The following MDFIC variants were observed in gnomAD, a reference collection of about 807,000 sequenced individuals.
MDFIC encodes the protein MyoD family inhibitor domain containing.
Under a neutral mutation model 23.2 loss-of-function variants are expected in MDFIC, and 17 were observed. The observed-to-expected ratio is 0.73, with a 90% CI of 0.50 to 1.10. The LOEUF is 1.10. Among genes scored for constraint, MDFIC ranks in the 50% least tolerant of loss-of-function variants. The pLI is 0.00. For missense variants in MDFIC, 356 were observed against 316.6 expected (o/e 1.12, Z -0.95); for synonymous variants, 120 against 115.2 (o/e 1.04, Z -0.27).
chr7:114,924,217 A>G (rs1461230536), intron 2 of MDFIC, among the ~76,000 whole-genome samples: 2 of 152,222 alleles, frequency 1.3e-5, no homozygotes, highest in African/African-American at 4.8e-5. Context: ...AGAGAACTAG[A>G]ATGATAAACA....
chr7:115,004,324 T>G (rs915785691), intron 4 of MDFIC, among the ~76,000 whole-genome samples: 5 of 152,200 alleles, frequency 3.3e-5, no homozygotes, highest in Non-Finnish European at 5.9e-5. Flanking sequence ...TGGTGACTCA[T>G]GCCTATACTC....
chr7:114,948,508 C>T (rs1282944348), intron 3 of MDFIC, among the ~76,000 whole-genome samples: 1 of 151,992 alleles, frequency 6.6e-6, no homozygotes, highest in African/African-American at 2.4e-5. Flanking sequence ...TTCGAGACGA[C>T]CTTACTTCCC....
intron 2 of MDFIC, among the ~76,000 whole-genome samples, chr7:114,931,189 T>G (rs1268115737): frequency 6.6e-6 from 1 of 152,182 alleles, no homozygotes; most frequent in African/African-American, 2.4e-5. Context: ...TAACCTTAAG[T>G]TTTTGAAGTC....
chr7:115,012,532 TA>T (rs1791701222), intron 4 of MDFIC, among the ~76,000 whole-genome samples: 2 of 152,146 alleles, frequency 1.3e-5, no homozygotes, highest in South Asian at 4.1e-4. Flanking sequence ...CTAATAAGAT[TA>T]AAGATGAGCA....
chr7:114,948,865 G>A (rs1469660539), intron 3 of MDFIC, among the ~76,000 whole-genome samples: 3 of 152,136 alleles, frequency 2.0e-5, no homozygotes, highest in Middle Eastern at 3.4e-3. Flanking sequence ...ATATACAAAC[G>A]AATTTGCAGA....
chr7:114,951,828 G>A (rs1484161973), intron 3 of MDFIC, among the ~76,000 whole-genome samples: 2 of 152,178 alleles, frequency 1.3e-5, no homozygotes, highest in Non-Finnish European at 2.9e-5. Context: ...GGTGGACCAG[G>A]ACATTCGGCT....
At chr7:114,935,090 T>A (rs1792397984) in intron 2 of MDFIC, among the ~76,000 whole-genome samples, 1 of 152,148 alleles carries the variant, frequency 6.6e-6, no homozygotes. Context: ...GTTTTTTTTG[T>A]TACTTTTCCC....
chr7:114,942,423 A>G (rs1385677950), intron 3 of MDFIC, 26 bp downstream of exon 3: 1 of 1,554,402 alleles, frequency 6.4e-7, no homozygotes, highest in Admixed American at 2.0e-5. Flanking sequence ...AAAAACTTTG[A>G]GTGATTTTGG....
In MDFIC at chr7:114,979,770, C is replaced by T; in HGVS notation, c.482C>T (p.Ser161Phe). The T allele has an allele frequency of 6.2e-7, 1 of 1,613,328 alleles. No individual in the cohort carries two copies. ...GCTGTCTTTTCCCAAAAGACAGGCT[C>T]TTCACCTGAAGGTAAGTTTGAGATA... Reference protein sequence around the residue: ...VNAVFSQKTGSSPEDCCVHCI... With the variant: ...VNAVFSQKTGFSPEDCCVHCI... The change falls in exon 4 of 5, where the codon TCT becomes TTT. Residue 161 changes from serine to phenylalanine, a missense_variant. Transcript: ENST00000393486.
chr7:115,004,301 C>T lies in MDFIC; in HGVS notation c.494-11387C>T, dbSNP rs556801649. Among the ~76,000 whole-genome samples, 5 of 152,312 alleles carry T rather than the reference C, an allele frequency of 3.3e-5. No homozygotes were observed. The East Asian group carries it at 7.7e-4, about 24-fold the overall frequency. On this transcript the variant is annotated intron_variant, in intron 4 of 4. Coordinates refer to ENST00000393486, the MANE Select transcript of MDFIC (RefSeq NM_001166345.3). Reference sequence around the variant, plus strand: ...TGTAACACTCCTTGCTCATTATTTACTCCAGTTGGGCGTGGTGACTCATGC... The same window carrying T: ...TGTAACACTCCTTGCTCATTATTTATTCCAGTTGGGCGTGGTGACTCATGC...
chr7:114,995,513 A>G (rs1243078919), intron 4 of MDFIC, among the ~76,000 whole-genome samples: 1 of 152,136 alleles, frequency 6.6e-6, no homozygotes, highest in Non-Finnish European at 1.5e-5. Flanking sequence ...TAATGTGCAG[A>G]TGGGGTTTTG....
Position 114,971,362 on chromosome 7 carries a change from G to T in MDFIC, c.218-8144G>T, listed in dbSNP as rs572359969. On this transcript the variant is annotated intron_variant, in intron 3 of 4. Transcript: ENST00000393486. ...ACTTCTGATACAGGTGTTTATATTA[G>T]GTCGGAATTCTTGGTTTCAAACTTT... Among the ~76,000 whole-genome samples, 255 of 152,208 alleles carry T rather than the reference G, an allele frequency of 1.7e-3. 2 individuals are homozygous for T. Among genetic ancestry groups the T allele is most frequent in the African/African-American group, 5.8e-3 (239 of 41,552 alleles).
intron 3 of MDFIC, among the ~76,000 whole-genome samples, chr7:114,953,574 A>G (rs1442209145): frequency 1.3e-5 from 2 of 152,178 alleles, no homozygotes; most frequent in African/African-American, 2.4e-5. Flanking sequence ...AAATTAGTCA[A>G]TCAGTCATTG....
chr7:114,930,356 G>A (rs1365840971), intron 2 of MDFIC, among the ~76,000 whole-genome samples: 1 of 152,216 alleles, frequency 6.6e-6, no homozygotes, highest in Non-Finnish European at 1.5e-5. Context: ...GCATGTGTGG[G>A]AAGTGTTTAT....
Position 115,016,782 on chromosome 7 carries a change from T to C in MDFIC, c.*847T>C, listed in dbSNP as rs1438005471. The C allele has an allele frequency of 1.3e-5, 2 of 150,126 alleles. No individual in the cohort carries two copies. The highest frequency in any genetic ancestry group is 2.5e-5 in the African/African-American group (1 of 40,582). 9.3% of individuals were successfully genotyped at this position (150,126 alleles called of 1,614,324 possible). ...ATCTCTCTCCCTTACCTTCTCCACT[T>C]GTTCAACAGACTCTGAATGCCGACT... On this transcript the variant is annotated 3_prime_UTR_variant, in exon 5 of 5. Coordinates refer to ENST00000393486, the MANE Select transcript of MDFIC (RefSeq NM_001166345.3).
chr7:114,991,119 A>T (rs1223737914), intron 4 of MDFIC, among the ~76,000 whole-genome samples: 1 of 151,928 alleles, frequency 6.6e-6, no homozygotes, highest in Non-Finnish European at 1.5e-5. Context: ...GCATTTTTTC[A>T]TGTGTCTGTT....
At chr7:114,992,845 A>G (rs1307643881) in intron 4 of MDFIC, among the ~76,000 whole-genome samples, 1 of 152,218 alleles carries the variant, frequency 6.6e-6, no homozygotes, top group Non-Finnish European at 1.5e-5. Flanking sequence ...CTTTGGTATC[A>G]GGATAATGCT....
intron 3 of MDFIC, among the ~76,000 whole-genome samples, chr7:114,945,485 T>G (rs1232931186): frequency 6.6e-6 from 1 of 152,228 alleles, no homozygotes; most frequent in Admixed American, 6.5e-5. Flanking sequence ...CTGGTCCACG[T>G]AGAAAACATT....
At chr7:114,985,363 G>T (rs1484424380) in intron 4 of MDFIC, among the ~76,000 whole-genome samples, 4 of 152,112 alleles carry the variant, frequency 2.6e-5, no homozygotes, top group Admixed American at 1.3e-4. Context: ...TCTTGGAAAA[G>T]TCAATGCCTG....
Sources: gnomAD v4.1 joint callset for allele counts (sites outside exome capture counted in the v4.1 genomes callset) on GRCh38, gnomAD v4.1.1 for gene constraint, MANE v1.5 for transcripts, NCBI Gene and HGNC (gene_info 2026-07-23, HGNC 2026-07-21) for gene names.